The following NELL2 variants were observed in gnomAD, a reference collection of about 807,000 sequenced individuals.
NELL2 encodes the protein neural EGFL like 2.
NELL2 carries 41 observed loss-of-function variants against 109.6 expected under a neutral mutation model. The observed-to-expected ratio is 0.37, with a 90% confidence interval of 0.29 to 0.49. The LOEUF (loss-of-function observed/expected upper bound fraction) is 0.49. Among genes scored for constraint, NELL2 ranks in the 20% least tolerant of loss-of-function variants. The probability of loss-of-function intolerance (pLI) is 0.98; values close to 1 mark genes in which losing one functional copy is unlikely to be tolerated. For synonymous variants in NELL2, 355 were observed against 344.7 expected, an observed-to-expected ratio of 1.03 and a Z score of -0.33; for missense variants, 900 against 1,008.3, an observed-to-expected ratio of 0.89 and a Z score of 1.45.
chr12:44,599,989 T>TCTCG (rs1945143471), intron 15 of NELL2, among the ~76,000 whole-genome samples: 2 of 126,078 alleles, frequency 1.6e-5, no homozygotes, highest in South Asian at 5.1e-4. Context: ...TGAGATGGAG[T>TCTCG]CTCGCTCTGC....
At chr12:44,855,933 G>C (rs1430109971) in intron 2 of NELL2, among the ~76,000 whole-genome samples, 1 of 152,140 alleles carries the variant, frequency 6.6e-6, no homozygotes, top group Non-Finnish European at 1.5e-5. Flanking sequence ...AGAGAAGAAA[G>C]CAGGTATTTT....
chr12:44,510,002 A>T (rs1565843957), intron 19 of NELL2, among the ~76,000 whole-genome samples: 1 of 152,142 alleles, frequency 6.6e-6, no homozygotes, highest in Non-Finnish European at 1.5e-5. Flanking sequence ...ATGAAATAGG[A>T]TAAATAGGCA....
intron 12 of NELL2, among the ~76,000 whole-genome samples, chr12:44,677,872 ATAGTTT>A (rs1025065239): frequency 6.6e-6 from 1 of 151,868 alleles, no homozygotes; most frequent in Non-Finnish European, 1.5e-5. Flanking sequence ...ACAGAGAAGC[ATAGTTT>A]TAAACAGGTT....
chr12:44,701,534 C>A (rs1592362026), intron 12 of NELL2, among the ~76,000 whole-genome samples: 1 of 152,066 alleles, frequency 6.6e-6, no homozygotes, highest in Admixed American at 6.6e-5. Flanking sequence ...TAATCTAAAT[C>A]TCTGGCCCCT....
At position 44,569,951 on chromosome 12, in the gene NELL2, A is replaced by G. The variant is rs540451790; in HGVS notation, c.1663+37218T>C. 4.6e-5 allele frequency among the ~76,000 whole-genome samples: 7 copies of G among 150,548 alleles called. No homozygotes were observed. In the South Asian group the frequency reaches 1.5e-3, roughly 31 times the overall value. ...TCAACAGGTTGAGTTAACACAGCAG[A>G]TAAGTTCTTCTCTATAAATTTCCTA... On this transcript the variant is annotated intron_variant, in intron 15 of 19. Coordinates refer to ENST00000429094, the MANE Select transcript of NELL2 (RefSeq NM_001145108.2).
At chr12:44,518,043 CTG>C (rs1037474778) in intron 19 of NELL2, among the ~76,000 whole-genome samples, 8 of 152,104 alleles carry the variant, frequency 5.3e-5, no homozygotes, top group South Asian at 2.1e-4. Context: ...TTTGACAAAA[CTG>C]AGCATATTTT....
chr12:44,695,290 CAA>C (rs34087124), intron 12 of NELL2, among the ~76,000 whole-genome samples: 24 of 94,956 alleles, frequency 2.5e-4, no homozygotes, highest in African/African-American at 4.4e-4. Flanking sequence ...GACTCCGTCT[CAA>C]AAAAAAAAAA....
At chr12:44,676,891 A>G (rs1163820005) in intron 12 of NELL2, among the ~76,000 whole-genome samples, 1 of 152,154 alleles carries the variant, frequency 6.6e-6, no homozygotes, top group African/African-American at 2.4e-5. Context: ...GTACTATAAT[A>G]ACTTAGATAC....
At chr12:44,810,650 C>T (rs1371371618) in intron 3 of NELL2, among the ~76,000 whole-genome samples, 1 of 152,096 alleles carries the variant, frequency 6.6e-6, no homozygotes, top group African/African-American at 2.4e-5. Flanking sequence ...AAATTTCAGC[C>T]CCTAAAGCCA....
At chr12:44,810,968 T>C (rs1392254954) in intron 3 of NELL2, among the ~76,000 whole-genome samples, 1 of 152,050 alleles carries the variant, frequency 6.6e-6, no homozygotes, top group African/African-American at 2.4e-5. Context: ...ACATAAAATA[T>C]TTAAATAACA....
rs535174467 is a variant in NELL2 at position 44,772,795 on chromosome 12, T to C, written c.994+1952A>G. 4.6e-5 allele frequency among the ~76,000 whole-genome samples: 7 copies of C among 152,306 alleles called. No individual in the cohort carries two copies. In the South Asian group the frequency reaches 6.2e-4, roughly 14 times the overall value. On this transcript the variant is annotated intron_variant, in intron 9 of 19. Coordinates refer to ENST00000429094, the MANE Select transcript of NELL2 (RefSeq NM_001145108.2). ...AATGAGGGCCTATGGCTTTTTTTTT[T>C]CATTATGTTGTGGTCTGCTCACTGA...
chr12:44,820,605 T>C (rs920654708), intron 2 of NELL2, among the ~76,000 whole-genome samples: 2 of 38,980 alleles, frequency 5.1e-5, no homozygotes, highest in African/African-American at 1.4e-4. Flanking sequence ...CAAGACTCCG[T>C]CTCAAAAAAA....
intron 15 of NELL2, among the ~76,000 whole-genome samples, chr12:44,559,793 A>G (rs988972763): frequency 3.3e-5 from 5 of 152,186 alleles, no homozygotes; most frequent in African/African-American, 1.2e-4. Context: ...TCACAAGGAT[A>G]TTCAGGACTT....
chr12:44,660,567 C>T (rs764793656), intron 13 of NELL2, among the ~76,000 whole-genome samples: 1 of 152,154 alleles, frequency 6.6e-6, no homozygotes, highest in Admixed American at 6.5e-5. Flanking sequence ...TTTCAAGTAT[C>T]CTTTGTCAGG....
Position 44,508,487 on chromosome 12 carries a change from G to A in NELL2, c.*447C>T, listed in dbSNP as rs1409576145. On this transcript the variant is annotated 3_prime_UTR_variant, in exon 20 of 20. Transcript: ENST00000429094. ...TTTCAGAGTGTACTGTACATAACAT[G>A]TTATAGCTTCTTTGCTTTACTTCTG... 1 of 157,782 alleles carries A rather than the reference G, an allele frequency of 6.3e-6. No homozygotes were observed. Among genetic ancestry groups the A allele is most frequent in the African/African-American group, 2.4e-5 (1 of 41,490 alleles). The allele number at this position is 157,782 out of a possible 1,614,324, so 9.8% of individuals were successfully genotyped here.
intron 15 of NELL2, among the ~76,000 whole-genome samples, chr12:44,572,003 G>T (rs531336052): frequency 1.3e-5 from 2 of 152,010 alleles, no homozygotes; most frequent in South Asian, 2.1e-4. Flanking sequence ...ATAGCAAAAC[G>T]TGCATAGCTC....
intron 1 of NELL2, among the ~76,000 whole-genome samples, chr12:44,886,090 AGG>A (rs1945468626): frequency 1.8e-5 from 1 of 56,470 alleles, no homozygotes; most frequent in Non-Finnish European, 3.4e-5. Context: ...ATAGTAAGGA[AGG>A]AAGGAAGGAA....
intron 15 of NELL2, among the ~76,000 whole-genome samples, chr12:44,546,785 T>A (rs1020099907): frequency 1.3e-5 from 2 of 152,216 alleles, no homozygotes; most frequent in Admixed American, 6.5e-5. Context: ...GAAAAGGTTT[T>A]CACTCCTGAG....
At chr12:44,708,980 C>T (rs1371510115) in intron 11 of NELL2, among the ~76,000 whole-genome samples, 1 of 152,110 alleles carries the variant, frequency 6.6e-6, no homozygotes, top group African/African-American at 2.4e-5. Flanking sequence ...TATATTAGGA[C>T]TCTTTTAAAA....
Sources: gnomAD v4.1 joint callset for allele counts (sites outside exome capture counted in the v4.1 genomes callset) on GRCh38, gnomAD v4.1.1 for gene constraint, MANE v1.5 for transcripts, NCBI Gene and HGNC (gene_info 2026-07-23, HGNC 2026-07-21) for gene names.